Variants in SRGAP2B observed in about 807,000 individuals in gnomAD.
SRGAP2B encodes SLIT-ROBO Rho GTPase-activating protein 2B.
SRGAP2B carries 9 observed loss-of-function variants against 22.2 expected under a neutral mutation model. The ratio of observed to expected loss-of-function variants is 0.41; its 90% CI spans 0.24 to 0.71. The LOEUF is 0.71. Among genes scored for constraint, SRGAP2B ranks in the 30% least tolerant of loss-of-function variants. The pLI, the probability that SRGAP2B is intolerant of heterozygous loss-of-function variation, is 0.35. For synonymous variants in SRGAP2B, 36 were observed against 87.4 expected, an observed-to-expected ratio of 0.41 and a Z score of 3.28; for missense variants, 114 against 235.8, an observed-to-expected ratio of 0.48 and a Z score of 3.38.
At chr1:145,030,232 C>T (rs1445539298) in intron 2 of SRGAP2B, among the ~76,000 whole-genome samples, 1 of 148,712 alleles carries the variant, frequency 6.7e-6, no homozygotes, top group Non-Finnish European at 1.5e-5. Context: ...TGCCTTCCTC[C>T]ATTCTGCTCC....
At chr1:144,962,854 T>C (rs587622174) in intron 3 of SRGAP2B, among the ~76,000 whole-genome samples, 42 of 151,738 alleles carry the variant, frequency 2.8e-4, no homozygotes, top group Non-Finnish European at 4.6e-4. Flanking sequence ...CCTCCTATTA[T>C]GGGCTAGCCA....
At chr1:145,020,108 C>A (rs1426283892) in intron 2 of SRGAP2B, among the ~76,000 whole-genome samples, 25 of 146,368 alleles carry the variant, frequency 1.7e-4, no homozygotes, top group Non-Finnish European at 3.4e-4. Flanking sequence ...AAGCTCCCTA[C>A]CCCTTATTTT....
chr1:144,997,441 C>T (rs1364632153), intron 2 of SRGAP2B, among the ~76,000 whole-genome samples: 2 of 149,314 alleles, frequency 1.3e-5, no homozygotes, highest in East Asian at 3.9e-4. Context: ...AAACAAACAA[C>T]AAAAAAAAGA....
intron 7 of SRGAP2B, among the ~76,000 whole-genome samples, chr1:144,899,071 CCA>C (rs1662489286): frequency 1.6e-5 from 2 of 121,884 alleles, no homozygotes; most frequent in Non-Finnish European, 3.5e-5. Flanking sequence ...GTAACACGGC[CCA>C]CAGAGTGTAT....
intron 2 of SRGAP2B, among the ~76,000 whole-genome samples, chr1:145,016,740 T>C (rs1228352466): frequency 2.9e-5 from 4 of 138,638 alleles, no homozygotes; most frequent in Non-Finnish European, 4.6e-5. Flanking sequence ...TCTGTAGAAT[T>C]TGTCATGATT....
intron 2 of SRGAP2B, among the ~76,000 whole-genome samples, chr1:145,012,497 T>C (rs1221807466): frequency 7.8e-6 from 1 of 127,936 alleles, no homozygotes; most frequent in Non-Finnish European, 1.6e-5. Context: ...ACCTCTGCTA[T>C]ATTTTGACAA....
At chr1:144,932,322 C>G (rs1416338174) in intron 4 of SRGAP2B, among the ~76,000 whole-genome samples, 1 of 150,902 alleles carries the variant, frequency 6.6e-6, no homozygotes, top group Non-Finnish European at 1.5e-5. Flanking sequence ...CGCTACAGGG[C>G]TCCTCAAAAC....
chr1:144,917,698 C>T (rs1570737888), intron 4 of SRGAP2B, among the ~76,000 whole-genome samples: 1 of 141,158 alleles, frequency 7.1e-6, no homozygotes, highest in East Asian at 2.0e-4. Context: ...ACTTACTGCT[C>T]CCTCTGGCTG....
intron 2 of SRGAP2B, among the ~76,000 whole-genome samples, chr1:145,007,657 T>C (rs1448723897): frequency 6.6e-6 from 1 of 150,780 alleles, no homozygotes; most frequent in Non-Finnish European, 1.5e-5. Flanking sequence ...AAATTACTTA[T>C]CTCTCTATGC....
At chr1:145,040,553 C>T (rs1323769244) in intron 2 of SRGAP2B, among the ~76,000 whole-genome samples, 1 of 150,550 alleles carries the variant, frequency 6.6e-6, no homozygotes, top group African/African-American at 2.5e-5. Flanking sequence ...GCTCTTGTAA[C>T]ATTAAAAATA....
chr1:144,959,176 C>G (rs201784915), intron 3 of SRGAP2B, among the ~76,000 whole-genome samples: 2 of 150,226 alleles, frequency 1.3e-5, no homozygotes, highest in Non-Finnish European at 2.9e-5. Flanking sequence ...AGGCTGGGTT[C>G]ATGTGAGACC....
chr1:144,995,034 T>G (rs1553618209), exon 3 of SRGAP2B: 2 of 1,544,446 alleles, frequency 1.3e-6, no homozygotes, highest in African/African-American at 1.4e-5. Flanking sequence ...TGGTGCTGCA[T>G]GTCTTGGCCA....
chr1:144,982,587 G>A (rs587682227), intron 3 of SRGAP2B, among the ~76,000 whole-genome samples: 4 of 150,964 alleles, frequency 2.6e-5, no homozygotes, highest in African/African-American at 9.9e-5. Context: ...GATCCTTCAA[G>A]GTAAGTATTA....
At chr1:145,002,373 C>A (rs1330352679) in intron 2 of SRGAP2B, among the ~76,000 whole-genome samples, 1 of 58,074 alleles carries the variant, frequency 1.7e-5, no homozygotes, top group Non-Finnish European at 3.2e-5. Context: ...CCAGCCCTAT[C>A]CCTGGACCTT....
At chr1:145,006,248 T>C (rs1255288605) in intron 2 of SRGAP2B, among the ~76,000 whole-genome samples, 1 of 151,052 alleles carries the variant, frequency 6.6e-6, no homozygotes, top group Non-Finnish European at 1.5e-5. Context: ...AGATAGAAAC[T>C]GACGAATGAA....
intron 3 of SRGAP2B, among the ~76,000 whole-genome samples, chr1:144,980,520 G>A (rs1669247173): frequency 6.6e-6 from 1 of 151,770 alleles, no homozygotes. Flanking sequence ...TCCTACTGTT[G>A]AAGATAATCC....
At chr1:145,008,820 G>C (rs1553621588) in intron 2 of SRGAP2B, among the ~76,000 whole-genome samples, 1 of 135,788 alleles carries the variant, frequency 7.4e-6, no homozygotes, top group Non-Finnish European at 1.6e-5. Flanking sequence ...ATTATAAACA[G>C]ACTAGATGAA....
chr1:144,990,767 C>T (rs1418090688), intron 3 of SRGAP2B, among the ~76,000 whole-genome samples: 4 of 151,190 alleles, frequency 2.6e-5, no homozygotes, highest in South Asian at 2.1e-4. Context: ...CTGCTGGCCC[C>T]GGGCAATGGG....
intron 2 of SRGAP2B, among the ~76,000 whole-genome samples, chr1:145,076,592 T>C (rs1652528056): frequency 1.4e-5 from 2 of 147,364 alleles, no homozygotes; most frequent in South Asian, 4.3e-4. Context: ...TTTTATAATA[T>C]TCTTGAAATG....
Sources: gnomAD v4.1 joint callset for allele counts (sites outside exome capture counted in the v4.1 genomes callset) on GRCh38, gnomAD v4.1.1 for gene constraint, MANE v1.5 for transcripts, NCBI Gene and HGNC (gene_info 2026-07-23, HGNC 2026-07-21) for gene names.